Variants in PROM1 observed in about 807,000 individuals in gnomAD.
PROM1 encodes prominin-1.
In PROM1, 105 loss-of-function variants were observed where a neutral mutation model predicts 116.9. The ratio of observed to expected loss-of-function variants is 0.90; its 90% CI spans 0.77 to 1.06. The LOEUF is 1.06. Among genes scored for constraint, PROM1 ranks in the 50% least tolerant of loss-of-function variants. PROM1 has a pLI of 0.00. For missense variants in PROM1, 1,122 were observed against 1,045.2 expected, an observed-to-expected ratio of 1.07 and a Z score of -1.01; for synonymous variants, 393 against 387.0, an observed-to-expected ratio of 1.02 and a Z score of -0.18.
chr4:15,989,923 G>A (rs1478092172), intron 18 of PROM1, 99 bp from the exon 19 acceptor site: 12 of 919,174 alleles, frequency 1.3e-5, no homozygotes, highest in Non-Finnish European at 2.0e-5. Flanking sequence ...GGGCTGCCAT[G>A]ACATAAGCAT....
chr4:16,015,263 T>C (rs903987207), intron 10 of PROM1, among the ~76,000 whole-genome samples: 7 of 141,872 alleles, frequency 4.9e-5, no homozygotes, highest in Non-Finnish European at 1.1e-4. Context: ...TGAGAATCGC[T>C]TGAACCTGGG....
chr4:16,041,043 C>T (rs914496122), intron 2 of PROM1, among the ~76,000 whole-genome samples: 1 of 152,214 alleles, frequency 6.6e-6, no homozygotes, highest in Non-Finnish European at 1.5e-5. Flanking sequence ...TCTGAACCAG[C>T]GGGTCTCCAA....
At chr4:15,984,765 C>T (rs879511139) in intron 22 of PROM1, among the ~76,000 whole-genome samples, 2 of 152,050 alleles carry the variant, frequency 1.3e-5, no homozygotes, top group African/African-American at 2.4e-5. Context: ...GTCACTGTCT[C>T]CCATTACTCC....
intron 1 of PROM1, among the ~76,000 whole-genome samples, chr4:16,081,111 T>C (rs1283295346): frequency 6.6e-6 from 1 of 152,026 alleles, no homozygotes; most frequent in African/African-American, 2.4e-5. Flanking sequence ...ATGTGCACAA[T>C]GTGCATGTTT....
chr4:16,069,104 G>A (rs773926012), intron 2 of PROM1, among the ~76,000 whole-genome samples: 8 of 152,114 alleles, frequency 5.3e-5, no homozygotes, highest in Non-Finnish European at 1.0e-4. Flanking sequence ...GTATGGTGGC[G>A]CATGACTGTT....
chr4:16,065,721 G>A (rs921110152), intron 2 of PROM1, among the ~76,000 whole-genome samples: 1 of 152,196 alleles, frequency 6.6e-6, no homozygotes, highest in Non-Finnish European at 1.5e-5. Context: ...GACCTTGGGT[G>A]CATTGCTTAA....
chr4:15,974,874 G>A (rs550822283), intron 26 of PROM1, among the ~76,000 whole-genome samples: 8 of 152,272 alleles, frequency 5.3e-5, no homozygotes, highest in African/African-American at 9.6e-5. Context: ...AACTGTTGGC[G>A]ATAAACACTG....
chr4:16,070,987 GGT>G (rs1742678373), intron 2 of PROM1, among the ~76,000 whole-genome samples: 1 of 152,090 alleles, frequency 6.6e-6, no homozygotes, highest in Non-Finnish European at 1.5e-5. Flanking sequence ...GAGAAAAAAG[GGT>G]CTGAAAGTTA....
At chr4:15,997,759 C>T (rs1353130028) in intron 15 of PROM1, among the ~76,000 whole-genome samples, 1 of 152,190 alleles carries the variant, frequency 6.6e-6, no homozygotes, top group East Asian at 1.9e-4. Flanking sequence ...GCCACTATGG[C>T]CAGCCTAGAT....
rs371124222 is a variant in PROM1 at position 16,033,389 on chromosome 4, C to G, written c.424G>C (p.Glu142Gln). Residue 142 changes from glutamate (E) to glutamine (Q), a missense_variant, in exon 5 of 28, where the codon GAA (glutamate) becomes CAA (glutamine). Glu to Gln is a conservative substitution (Grantham distance 29). Transcript: ENST00000447510. ...MCRCCNKCGG[E>Q]MHQRQKENGP... Reference sequence around the variant, plus strand: ...TTTTCCTTCTGTCGCTGGTGCATTTCTCCACCACATTTGTTACAGCAACGA... The same window carrying G: ...TTTTCCTTCTGTCGCTGGTGCATTTGTCCACCACATTTGTTACAGCAACGA... 1.6e-5 allele frequency: 26 copies of G among 1,613,772 alleles called. No individual in the cohort carries two copies. The highest frequency in any genetic ancestry group is 2.1e-5 in the Non-Finnish European group (25 of 1,179,848).
Position 16,033,500 on chromosome 4 carries a change from A to G in PROM1, c.313T>C (p.Tyr105His), listed in dbSNP as rs929586700. ...TVILGLKIVY[Y>H]EAGIILCCVL... Reference sequence around the variant, plus strand: ...CAGCATAGAATAATCCCTGCTTCATAGTAGACAATCTGCAATTCAAACAAA... The same window carrying G: ...CAGCATAGAATAATCCCTGCTTCATGGTAGACAATCTGCAATTCAAACAAA... The change falls in exon 5 of 28, where the codon TAT becomes CAT. Residue 105 changes from tyrosine (Y) to histidine (H), a missense_variant. Tyr to His is a moderately conservative substitution (Grantham distance 83). Transcript: ENST00000447510. The G allele has an allele frequency of 3.8e-6, 6 of 1,598,824 alleles. No homozygotes were observed. Among genetic ancestry groups the G allele is most frequent in the Admixed American group, 3.4e-5 (2 of 58,060 alleles).
Position 15,985,817 on chromosome 4 carries a change from C to G in PROM1, c.2223G>C (p.Lys741Asn). The G allele has an allele frequency of 8.9e-7, 1 of 1,118,872 alleles. No homozygotes were observed. Among genetic ancestry groups the G allele is most frequent in the Non-Finnish European group, 1.1e-6 (1 of 882,342 alleles). The allele number at this position is 1,118,872 out of a possible 1,614,324, so 69.3% of individuals were successfully genotyped here. The change falls in exon 22 of 28, where the codon AAG becomes AAC. Residue 741 changes from lysine to asparagine, a missense_variant. Coordinates refer to ENST00000447510, the MANE Select transcript of PROM1 (RefSeq NM_006017.3). The stretch of plus-strand genomic sequence containing the variant: ...AATATCCTATTATTGTTCTCCCATA[C>G]TTCTTAGTTTCCTGGAAAGAAACAA... ...TSSVIIEETKKYGRTIIGYFE... is the reference protein window; with the variant it reads ...TSSVIIEETKNYGRTIIGYFE...
At chr4:16,039,548 C>T (rs375045137) in intron 2 of PROM1, among the ~76,000 whole-genome samples, 4 of 152,138 alleles carry the variant, frequency 2.6e-5, no homozygotes, top group Admixed American at 2.0e-4. Flanking sequence ...GACCAGCCTG[C>T]TCAACATGGT....
intron 2 of PROM1, among the ~76,000 whole-genome samples, chr4:16,043,069 A>C (rs1489217150): frequency 5.3e-5 from 8 of 152,242 alleles, no homozygotes; most frequent in Non-Finnish European, 8.8e-5. Flanking sequence ...ATATATGTTA[A>C]GGTGTTCTCC....
chr4:15,991,543 A>C (rs1720986127), intron 17 of PROM1, among the ~76,000 whole-genome samples: 1 of 152,172 alleles, frequency 6.6e-6, no homozygotes, highest in African/African-American at 2.4e-5. Flanking sequence ...ATGAACAGCA[A>C]AAACATGCTC....
chr4:16,041,965 T>C (rs939642074), intron 2 of PROM1, among the ~76,000 whole-genome samples: 3 of 151,934 alleles, frequency 2.0e-5, no homozygotes, highest in Non-Finnish European at 4.4e-5. Flanking sequence ...CACGCCACCA[T>C]GCACAGATAA....
chr4:16,039,555 T>C (rs1379099531), intron 2 of PROM1, among the ~76,000 whole-genome samples: 1 of 152,074 alleles, frequency 6.6e-6, no homozygotes, highest in Non-Finnish European at 1.5e-5. Flanking sequence ...CTGCTCAACA[T>C]GGTGAAACTC....
At chr4:15,973,797 C>G (rs535625495) in intron 26 of PROM1, among the ~76,000 whole-genome samples, 27 of 152,214 alleles carry the variant, frequency 1.8e-4, no homozygotes, top group African/African-American at 6.5e-4. Flanking sequence ...AGAAATAGCT[C>G]AAATCATAGC....
At chr4:15,979,606 A>T (rs923698284) in intron 25 of PROM1, 143 bp from the exon 26 acceptor site, 1 of 1,337,126 alleles carries the variant, frequency 7.5e-7, no homozygotes, top group Middle Eastern at 2.7e-4. Context: ...TGAGTAATTG[A>T]CATTTTGCTC....
Sources: allele counts gnomAD v4.1 joint callset (sites outside exome capture counted in the v4.1 genomes callset), GRCh38; gene constraint gnomAD v4.1.1; transcripts MANE v1.5; gene names NCBI Gene and HGNC (gene_info 2026-07-23, HGNC 2026-07-21).